FSTL5: variants seen among roughly 807,000 people sequenced by gnomAD.
FSTL5 encodes the protein follistatin like 5, also known as follistatin-related protein 5.
A neutral mutation model predicts 89.1 loss-of-function variants in FSTL5; 62 were observed. That is an observed-to-expected ratio of 0.70 (90% confidence interval 0.57 to 0.86). The LOEUF (loss-of-function observed/expected upper bound fraction) is 0.86. Among genes scored for constraint, FSTL5 ranks in the 40% least tolerant of loss-of-function variants. FSTL5 has a pLI of 0.00. For synonymous variants in FSTL5, 383 were observed against 346.2 expected (o/e 1.11, Z -1.18); for missense variants, 1,057 against 1,001.6 (o/e 1.06, Z -0.75).
In FSTL5 at chr4:161,855,003, GTTTTTTT is replaced by G. The variant is rs1221548568; in HGVS notation, c.409+65394_409+65400del. On this transcript the variant is annotated intron_variant, in intron 4 of 15. Transcript: ENST00000306100. ...GATATTTTGAGGATATGGTTGAGAG[GTTTTTTT>G]TTTTTTTTTTTTTGCTTTCTAGCCT... is the stretch of plus-strand genomic sequence containing the variant. 2.5e-4 allele frequency among the ~76,000 whole-genome samples: 4 copies of G among 16,134 alleles called. No individual in the cohort carries two copies. In the East Asian group the frequency reaches 7.2e-3, roughly 29 times the overall value. 10.6% of individuals were successfully genotyped at this position (16,134 alleles called of 152,430 possible).
intron 7 of FSTL5, among the ~76,000 whole-genome samples, chr4:161,639,552 C>G (rs369560799): frequency 6.6e-6 from 1 of 152,078 alleles, no homozygotes; most frequent in Non-Finnish European, 1.5e-5. Flanking sequence ...TGGTGGAGTA[C>G]AAAGCACCAG....
Position 161,705,967 on chromosome 4 carries a change from T to G in FSTL5, c.728-49473A>C, listed in dbSNP as rs1291889896. 1.4e-3 allele frequency among the ~76,000 whole-genome samples: 102 copies of G among 70,778 alleles called. 2 individuals carry two copies. The highest frequency in any genetic ancestry group is 5.6e-3 in the African/African-American group (84 of 15,058). 46.4% of individuals were successfully genotyped at this position (70,778 alleles called of 152,430 possible). A position where few individuals can be genotyped will look rare whatever the true frequency, so the allele number is the denominator to read the frequency against. ...GTAGATGTGTGTATATATATATATA[T>G]ATATATATATATATATATATATATA... is the stretch of plus-strand genomic sequence containing the variant. On this transcript the variant is annotated intron_variant, in intron 6 of 15. Coordinates refer to ENST00000306100, the MANE Select transcript of FSTL5 (RefSeq NM_020116.5).
chr4:162,082,146 C>G (rs963194407), intron 2 of FSTL5, among the ~76,000 whole-genome samples: 1 of 151,586 alleles, frequency 6.6e-6, no homozygotes, highest in African/African-American at 2.4e-5. Context: ...ATTCTTGTGC[C>G]TTTATCAGTG....
At chr4:161,801,137 T>TA (rs1232755823) in intron 4 of FSTL5, among the ~76,000 whole-genome samples, 2 of 151,576 alleles carry the variant, frequency 1.3e-5, no homozygotes, top group Admixed American at 6.6e-5. Flanking sequence ...ATCTCAGTCT[T>TA]AAAAAATACT....
intron 12 of FSTL5, among the ~76,000 whole-genome samples, chr4:161,488,572 T>C (rs1176977291): frequency 6.6e-6 from 1 of 152,070 alleles, no homozygotes; most frequent in Admixed American, 6.6e-5. Flanking sequence ...AGGGTGCACT[T>C]ATATTATCTG....
At position 161,384,731 on chromosome 4, in the gene FSTL5, C is replaced by G. The variant is rs1730554657; in HGVS notation, c.*1016G>C. On this transcript the variant is annotated 3_prime_UTR_variant, in exon 16 of 16. Coordinates refer to ENST00000306100, the MANE Select transcript of FSTL5 (RefSeq NM_020116.5). The stretch of plus-strand genomic sequence containing the variant: ...AACTTATATTACTAATTCTTCTAAG[C>G]CACTAATACCTCATCAATTCTCTTG... 1.3e-5 allele frequency: 2 copies of G among 152,164 alleles called. No homozygotes were observed. The highest frequency in any genetic ancestry group is 4.1e-4 in the South Asian group (2 of 4,836). The allele number at this position is 152,164 out of a possible 1,614,324, so 9.4% of individuals were successfully genotyped here.
intron 2 of FSTL5, among the ~76,000 whole-genome samples, chr4:162,059,925 T>C (rs1197611256): frequency 6.6e-6 from 1 of 152,156 alleles, no homozygotes; most frequent in African/African-American, 2.4e-5. Context: ...TTAGTGTGCA[T>C]AAGAATCACC....
chr4:161,697,575 A>C (rs1738214482), intron 6 of FSTL5, among the ~76,000 whole-genome samples: 1 of 152,206 alleles, frequency 6.6e-6, no homozygotes, highest in African/African-American at 2.4e-5. Flanking sequence ...AGCACTAATC[A>C]CAATAGGTAA....
chr4:161,983,119 G>A (rs1163540739), intron 3 of FSTL5, among the ~76,000 whole-genome samples: 1 of 152,286 alleles, frequency 6.6e-6, no homozygotes, highest in East Asian at 1.9e-4. Flanking sequence ...AAAACACCAT[G>A]GAGAAGGTTT....
rs769170988 is a variant in FSTL5, at chr4:161,695,453, G to GTGTGTGTA, written c.728-38960_728-38959insTACACACA. The stretch of plus-strand genomic sequence containing the variant: ...TGTGTGTGTGTGTGTGTGTGTGTGT[G>GTGTGTGTA]TATATATATCACATATAGACATATA... On this transcript the variant is annotated intron_variant, in intron 6 of 15. Transcript: ENST00000306100. Among the ~76,000 whole-genome samples, 7 of 135,026 alleles carry GTGTGTGTA rather than the reference G, an allele frequency of 5.2e-5. No individual in the cohort carries two copies. In the East Asian group the frequency reaches 1.0e-3, roughly 20 times the overall value. The allele number at this position is 135,026 out of a possible 152,430, so 88.6% of individuals were successfully genotyped here. A position where few individuals can be genotyped will look rare whatever the true frequency, so the allele number is the denominator to read the frequency against.
chr4:161,820,550 T>C (rs2126849377), intron 4 of FSTL5, among the ~76,000 whole-genome samples: 1 of 152,322 alleles, frequency 6.6e-6, no homozygotes, highest in Non-Finnish European at 1.5e-5. Context: ...TCAATGTTTC[T>C]TATAGTAGGG....
intron 10 of FSTL5, among the ~76,000 whole-genome samples, chr4:161,521,343 A>G (rs1435044313): frequency 1.3e-5 from 2 of 151,952 alleles, no homozygotes; most frequent in Non-Finnish European, 2.9e-5. Flanking sequence ...TTTTCCTGTA[A>G]TTACTCACAT....
chr4:161,759,489 T>C lies in FSTL5; in HGVS notation c.649A>G (p.Thr217Ala). The change falls in exon 6 of 16, where the codon ACT becomes GCT. Residue 217 changes from threonine to alanine, a missense_variant. By Grantham distance (58) the Thr-to-Ala change is moderately conservative (BLOSUM62 0). This residue lies in a region of FSTL5 where 980 missense variants were observed against 903.2 expected (regional missense o/e 1.08). Coordinates refer to ENST00000306100, the MANE Select transcript of FSTL5 (RefSeq NM_020116.5). ...TCATATTTCAATAGAACATACAAAG[T>C]ACAATCAAAGAGATCCTTGCCAAGT... is the stretch of plus-strand genomic sequence containing the variant. ...EELGKDLFDC[T>A]LYVLLKYDDF... is the part of the protein sequence containing the mutation. 1.9e-6 allele frequency: 3 copies of C among 1,588,010 alleles called. No homozygotes were observed. Among genetic ancestry groups the C allele is most frequent in the Non-Finnish European group, 2.6e-6 (3 of 1,166,558 alleles).
chr4:161,730,011 T>C (rs1382852883), intron 6 of FSTL5, among the ~76,000 whole-genome samples: 7 of 152,188 alleles, frequency 4.6e-5, no homozygotes, highest in Non-Finnish European at 8.8e-5. Context: ...TTCATGAAAG[T>C]ATAGGTGATG....
chr4:161,606,949 AAG>A (rs1444789397), intron 7 of FSTL5, among the ~76,000 whole-genome samples: 4 of 152,224 alleles, frequency 2.6e-5, no homozygotes, highest in African/African-American at 4.8e-5. Flanking sequence ...GTTAAAAAAT[AAG>A]AGTTAAAGAA....
At chr4:161,647,349 A>G (rs1736187449) in intron 7 of FSTL5, among the ~76,000 whole-genome samples, 1 of 152,144 alleles carries the variant, frequency 6.6e-6, no homozygotes. Flanking sequence ...AGGTCAATAT[A>G]TCTGTCTTTA....
intron 13 of FSTL5, among the ~76,000 whole-genome samples, chr4:161,466,604 A>C (rs1243107715): frequency 6.6e-6 from 1 of 152,310 alleles, no homozygotes; most frequent in Admixed American, 6.5e-5. Flanking sequence ...TCCAAGCAGA[A>C]CTTGATCGTA....
chr4:161,514,553 A>G (rs1037072052), intron 10 of FSTL5, among the ~76,000 whole-genome samples: 4 of 152,174 alleles, frequency 2.6e-5, no homozygotes, highest in Non-Finnish European at 4.4e-5. Flanking sequence ...CCTAGACTTC[A>G]CCACTAGTCA....
At chr4:161,696,756 G>T (rs1373435638) in intron 6 of FSTL5, among the ~76,000 whole-genome samples, 1 of 152,136 alleles carries the variant, frequency 6.6e-6, no homozygotes, top group Admixed American at 6.5e-5. Context: ...CAGCTTGGTT[G>T]CTGTTGGTGT....
Sources: allele counts gnomAD v4.1 joint callset (sites outside exome capture counted in the v4.1 genomes callset), GRCh38; gene constraint gnomAD v4.1.1; regional missense constraint gnomAD v4.1.1; transcripts MANE v1.5; gene names NCBI Gene and HGNC (gene_info 2026-07-23, HGNC 2026-07-21).